Variants in SLC25A21 observed in about 807,000 individuals in gnomAD.
The protein encoded by SLC25A21 is solute carrier family 25 member 21, also known as mitochondrial 2-oxodicarboxylate carrier.
Under a neutral mutation model 43.8 loss-of-function variants are expected in SLC25A21, and 47 were observed. The ratio of observed to expected loss-of-function variants is 1.07; its 90% CI spans 0.85 to 1.37. The LOEUF (loss-of-function observed/expected upper bound fraction) is 1.37, where lower values mean the gene tolerates loss of function less well. Among genes scored for constraint, SLC25A21 ranks in the 40% most tolerant of loss-of-function variants. The pLI is 0.00. For synonymous variants in SLC25A21, 131 were observed against 121.3 expected (o/e 1.08, Z -0.52); for missense variants, 352 against 350.2 (o/e 1.00, Z -0.04).
At chr14:37,165,455 C>CA (rs1329892983) in intron 1 of SLC25A21, among the ~76,000 whole-genome samples, 1 of 151,994 alleles carries the variant, frequency 6.6e-6, no homozygotes, top group African/African-American at 2.4e-5. Flanking sequence ...GAAAATAAGT[C>CA]AGTCTTGCCA....
At chr14:36,940,659 T>C (rs1010297775) in intron 1 of SLC25A21, among the ~76,000 whole-genome samples, 1 of 152,148 alleles carries the variant, frequency 6.6e-6, no homozygotes, top group African/African-American at 2.4e-5. Flanking sequence ...AAACAAAGAA[T>C]TTAATCGTTC....
chr14:37,110,884 T>C (rs1355523134), intron 1 of SLC25A21, among the ~76,000 whole-genome samples: 2 of 152,126 alleles, frequency 1.3e-5, no homozygotes, highest in Non-Finnish European at 2.9e-5. Context: ...TGGTTTCCTA[T>C]TTTATGCCAA....
At chr14:36,922,460 G>T (rs1221903472) in intron 1 of SLC25A21, among the ~76,000 whole-genome samples, 1 of 151,970 alleles carries the variant, frequency 6.6e-6, no homozygotes, top group African/African-American at 2.4e-5. Context: ...GGCCAAGGCA[G>T]CTCCAATTTG....
intron 1 of SLC25A21, among the ~76,000 whole-genome samples, chr14:37,170,403 G>C (rs1964103451): frequency 6.6e-6 from 1 of 152,074 alleles, no homozygotes; most frequent in South Asian, 2.1e-4. Flanking sequence ...ATATAAATTA[G>C]CATACAGGTG....
chr14:36,887,228 A>G (rs1202497756), intron 1 of SLC25A21, among the ~76,000 whole-genome samples: 1 of 146,858 alleles, frequency 6.8e-6, no homozygotes, highest in Non-Finnish European at 1.5e-5. Flanking sequence ...ATATATATAT[A>G]TATTCATTCA....
chr14:37,002,545 G>C lies in SLC25A21; in HGVS notation c.71-127541C>G, dbSNP rs535635816. ...CCCTCCTTCCTACGTATACAACTTT[G>C]AGCAAGTGAGTCAATTCCTCTGTAG... On this transcript the variant is annotated intron_variant, in intron 1 of 9. Transcript: ENST00000331299. Among the ~76,000 whole-genome samples, 5 of 152,214 alleles carry C rather than the reference G, an allele frequency of 3.3e-5. No homozygotes were observed. The South Asian group carries it at 1.0e-3, about 32-fold the overall frequency.
intron 1 of SLC25A21, among the ~76,000 whole-genome samples, chr14:37,012,607 G>A (rs17105951): frequency 0.19 from 28,610 of 151,992 alleles, 3,041 homozygotes; most frequent in East Asian, 0.36. Flanking sequence ...ATAAATTTTA[G>A]GCAAATTCTG....
chr14:36,692,234 T>C (rs1882821851), intron 7 of SLC25A21, among the ~76,000 whole-genome samples: 1 of 152,214 alleles, frequency 6.6e-6, no homozygotes, highest in African/African-American at 2.4e-5. Flanking sequence ...TGACAGAACA[T>C]ATTATTTATA....
At chr14:37,010,643 C>T (rs1328494089) in intron 1 of SLC25A21, among the ~76,000 whole-genome samples, 2 of 152,008 alleles carry the variant, frequency 1.3e-5, no homozygotes, top group Admixed American at 1.3e-4. Context: ...AAGAGGCCTT[C>T]CAGACAGAAC....
chr14:36,893,218 C>T (rs550953280), intron 1 of SLC25A21, among the ~76,000 whole-genome samples: 27 of 152,250 alleles, frequency 1.8e-4, no homozygotes, highest in African/African-American at 6.0e-4. Flanking sequence ...CTGTTGTTTC[C>T]TGACTTTTTA....
chr14:36,886,165 T>C (rs1306881149), intron 1 of SLC25A21, among the ~76,000 whole-genome samples: 1 of 152,178 alleles, frequency 6.6e-6, no homozygotes, highest in African/African-American at 2.4e-5. Context: ...TTTGATAGCC[T>C]GCCCAGAAAA....
At chr14:37,066,509 G>A (rs1962063596) in intron 1 of SLC25A21, among the ~76,000 whole-genome samples, 1 of 152,118 alleles carries the variant, frequency 6.6e-6, no homozygotes, top group Non-Finnish European at 1.5e-5. Flanking sequence ...TACTTTTTAA[G>A]TGGTAAATTA....
intron 1 of SLC25A21, among the ~76,000 whole-genome samples, chr14:36,996,558 T>G (rs2138719276): frequency 6.6e-6 from 1 of 152,334 alleles, no homozygotes; most frequent in African/African-American, 2.4e-5. Context: ...GCACATTGAC[T>G]TGCTACATTC....
At chr14:37,027,264 C>T (rs1355202599) in intron 1 of SLC25A21, among the ~76,000 whole-genome samples, 1 of 151,960 alleles carries the variant, frequency 6.6e-6, no homozygotes, top group Non-Finnish European at 1.5e-5. Flanking sequence ...TATTATCTAG[C>T]TACTTTGTAA....
chr14:36,728,900 T>C (rs529562361), intron 5 of SLC25A21, among the ~76,000 whole-genome samples: 2 of 152,268 alleles, frequency 1.3e-5, no homozygotes, highest in East Asian at 1.9e-4. Flanking sequence ...GTCAATACAA[T>C]TAACTTCTGT....
chr14:36,856,792 C>G (rs1252779936), intron 2 of SLC25A21, among the ~76,000 whole-genome samples: 2 of 152,158 alleles, frequency 1.3e-5, no homozygotes. Context: ...ATGAAGGAGA[C>G]AGATCTATGG....
chr14:36,738,262 T>C (rs1265279376), intron 3 of SLC25A21, among the ~76,000 whole-genome samples: 1 of 152,242 alleles, frequency 6.6e-6, no homozygotes, highest in Non-Finnish European at 1.5e-5. Flanking sequence ...CAAAATATTA[T>C]ATGCAGCTTT....
intron 1 of SLC25A21, among the ~76,000 whole-genome samples, chr14:36,901,327 G>C (rs1338186144): frequency 6.6e-6 from 1 of 152,140 alleles, no homozygotes; most frequent in African/African-American, 2.4e-5. Context: ...AGACTGATAA[G>C]CCTTCCAAAT....
chr14:36,900,328 T>C lies in SLC25A21; in HGVS notation c.71-25324A>G, dbSNP rs377640969. On this transcript the variant is annotated intron_variant, in intron 1 of 9. Coordinates refer to ENST00000331299, the MANE Select transcript of SLC25A21 (RefSeq NM_030631.4). ...TGGCCAGGAGGATAGGGACATCTCA[T>C]TGGTAGAGTTTTAGGCACATGTGTA... Among the ~76,000 whole-genome samples the C allele has an allele frequency of 9.9e-5, 15 of 152,184 alleles. No individual in the cohort carries two copies. The South Asian group carries it at 2.9e-3, about 29-fold the overall frequency.
Sources: gnomAD v4.1 joint callset for allele counts (sites outside exome capture counted in the v4.1 genomes callset) on GRCh38, gnomAD v4.1.1 for gene constraint, MANE v1.5 for transcripts, NCBI Gene and HGNC (gene_info 2026-07-23, HGNC 2026-07-21) for gene names.